The following HELLS variants were observed in gnomAD, a reference collection of about 807,000 sequenced individuals.
HELLS encodes lymphoid-specific helicase.
Under a neutral mutation model 120.0 loss-of-function variants are expected in HELLS, and 32 were observed. The ratio of observed to expected loss-of-function variants is 0.27; its 90% CI spans 0.20 to 0.36. The LOEUF (loss-of-function observed/expected upper bound fraction) is 0.36. Among genes scored for constraint, HELLS ranks in the 10% least tolerant of loss-of-function variants. The pLI, the probability that HELLS is intolerant of heterozygous loss-of-function variation, is 1.00. For synonymous variants in HELLS, 341 were observed against 323.4 expected (o/e 1.05, Z -0.58); for missense variants, 650 against 993.4 (o/e 0.65, Z 4.65).
At chr10:94,605,069 G>GTC (rs538505937), downstream of HELLS, among the ~76,000 whole-genome samples, 6 of 71,052 alleles carry the variant, frequency 8.4e-5, no homozygotes, top group Non-Finnish European at 1.6e-4. Flanking sequence ...TGTGTCTTGT[G>GTC]TCTCCCCCCC....
chr10:94,571,792 G>T (rs1439680819), intron 7 of HELLS, among the ~76,000 whole-genome samples: 1 of 152,136 alleles, frequency 6.6e-6, no homozygotes, highest in African/African-American at 2.4e-5. Context: ...AGACCTTAAA[G>T]ATTTTTTAAG....
At position 94,594,618 on chromosome 10, in the gene HELLS, T is replaced by C. The variant is rs866286166; in HGVS notation, c.2089-77T>C. The C allele has an allele frequency of 7.5e-5, 84 of 1,113,482 alleles. No individual in the cohort carries two copies. The Middle Eastern group carries it at 1.1e-3, about 14-fold the overall frequency. The allele number at this position is 1,113,482 out of a possible 1,614,324, so 69.0% of individuals were successfully genotyped here. A position where few individuals can be genotyped will look rare whatever the true frequency, so the allele number is the denominator to read the frequency against. ...TAAAAGTTCCTGGCTAGATCATTCA[T>C]GTTGACTTTATCCACATGAGTTTAT... On this transcript the variant is annotated intron_variant, in intron 18 of 21. Coordinates refer to ENST00000348459, the MANE Select transcript of HELLS (RefSeq NM_018063.5).
chr10:94,562,147 T>C (rs1298916420), intron 4 of HELLS, among the ~76,000 whole-genome samples: 1 of 148,252 alleles, frequency 6.7e-6, no homozygotes, highest in East Asian at 2.2e-4. Context: ...TCAACGCCTG[T>C]AATCCCAGCA....
chr10:94,576,126 T>TG (rs1320588302), intron 9 of HELLS, among the ~76,000 whole-genome samples: 1 of 151,992 alleles, frequency 6.6e-6, no homozygotes, highest in African/African-American at 2.4e-5. Context: ...CCTTTTTTTT[T>TG]GTCTTCAGAC....
downstream of HELLS, among the ~76,000 whole-genome samples, chr10:94,603,838 TTTC>T (rs1336182750): frequency 4.7e-4 from 71 of 152,256 alleles, no homozygotes; most frequent in East Asian, 0.012. Context: ...CTTTCCTTTT[TTTC>T]CCCTTTTTTT....
intron 21 of HELLS, 76 bp downstream of exon 21, chr10:94,597,187 C>G: frequency 1.3e-6 from 1 of 786,678 alleles, no homozygotes; most frequent in East Asian, 2.5e-5. Flanking sequence ...ACCCCTTGTG[C>G]AATTCATTCA....
At chr10:94,600,553 T>G (rs1845986818) in intron 21 of HELLS, among the ~76,000 whole-genome samples, 1 of 152,080 alleles carries the variant, frequency 6.6e-6, no homozygotes, top group African/African-American at 2.4e-5. Flanking sequence ...AAATGTGAAA[T>G]GGAACTTCAA....
intron 10 of HELLS, chr10:94,577,138 A>T (rs1166609020): frequency 2.3e-6 from 1 of 433,236 alleles, no homozygotes; most frequent in Non-Finnish European, 4.4e-6. Context: ...ATTTTAATCA[A>T]ATAAGAGTAT....
chr10:94,562,563 T>C (rs1843610030), intron 4 of HELLS, 128 bp from the exon 5 acceptor site: 2 of 634,900 alleles, frequency 3.2e-6, no homozygotes, highest in African/African-American at 3.6e-5. Context: ...GTAAGTATAA[T>C]AGTGAAAAAT....
intron 19 of HELLS, among the ~76,000 whole-genome samples, chr10:94,596,137 A>G (rs1282368425): frequency 2.6e-5 from 4 of 152,062 alleles, no homozygotes; most frequent in African/African-American, 7.2e-5. Context: ...TCGATTTTTT[A>G]GTAGATTAAT....
intron 12 of HELLS, among the ~76,000 whole-genome samples, chr10:94,585,757 G>A (rs554068924): frequency 2.7e-5 from 4 of 150,684 alleles, no homozygotes; most frequent in African/African-American, 7.4e-5. Context: ...TGGTGCCATC[G>A]TTGGTTATTG....
At chr10:94,599,844 G>A (rs186237168) in intron 21 of HELLS, among the ~76,000 whole-genome samples, 56 of 152,222 alleles carry the variant, frequency 3.7e-4, no homozygotes, top group Non-Finnish European at 6.3e-4. Context: ...GTTTATATAA[G>A]GACAGAATTA....
intron 13 of HELLS, among the ~76,000 whole-genome samples, chr10:94,590,035 G>A (rs1028388168): frequency 2.6e-5 from 4 of 152,012 alleles, no homozygotes; most frequent in Admixed American, 6.6e-5. Context: ...GGGTCTAGCC[G>A]TTTACAAATT....
At chr10:94,605,335 G>A (rs185748044), downstream of HELLS, among the ~76,000 whole-genome samples, 6 of 152,054 alleles carry the variant, frequency 3.9e-5, no homozygotes, top group Admixed American at 6.6e-5. Flanking sequence ...CACCCTCCTC[G>A]GCCTCCCAAA....
chr10:94,547,867 T>A (rs899275548), intron 2 of HELLS, among the ~76,000 whole-genome samples: 1 of 152,180 alleles, frequency 6.6e-6, no homozygotes, highest in African/African-American at 2.4e-5. Flanking sequence ...CCAGTAATAC[T>A]CCTTCCGTTA....
At chr10:94,592,613 G>A in intron 17 of HELLS, 99 bp downstream of exon 17, 1 of 807,192 alleles carries the variant, frequency 1.2e-6, no homozygotes, top group Non-Finnish European at 1.8e-6. Context: ...TTGATAAAAA[G>A]ATAGAAATGA....
chr10:94,584,578 G>T (rs1206207364), intron 12 of HELLS, among the ~76,000 whole-genome samples: 3 of 152,050 alleles, frequency 2.0e-5, no homozygotes, highest in Non-Finnish European at 2.9e-5. Flanking sequence ...TTAAGTTTCT[G>T]TTCTTAGGAA....
chr10:94,546,465 T>A lies in HELLS; in HGVS notation c.120T>A (p.Ala40=), dbSNP rs1395489444. The A allele has an allele frequency of 1.9e-6, 3 of 1,614,138 alleles. No individual in the cohort carries two copies. The South Asian group carries it at 3.3e-5, about 18-fold the overall frequency. ...MLEEEEQLEA[A]GLERERKMLE... ...AAGAGGAAGAACAGCTTGAAGCTGC[T>A]GGACTAGAGAGAGAGCGGAAGATGC... Residue 40 remains alanine, a synonymous_variant, in exon 2 of 22, where the codon GCT becomes GCA. Transcript: ENST00000348459.
At chr10:94,573,860 T>C (rs1844305472) in intron 7 of HELLS, 100 bp from the exon 8 acceptor site, 1 of 678,390 alleles carries the variant, frequency 1.5e-6, no homozygotes, top group South Asian at 1.8e-5. Flanking sequence ...ACTTAATGAT[T>C]ATAGGACTCA....
Sources: allele counts gnomAD v4.1 joint callset (sites outside exome capture counted in the v4.1 genomes callset), GRCh38; gene constraint gnomAD v4.1.1; transcripts MANE v1.5; gene names NCBI Gene and HGNC (gene_info 2026-07-23, HGNC 2026-07-21).